WSCD2: variants seen among roughly 807,000 people sequenced by gnomAD.
WSCD2 encodes WSC domain sialate O sulfotransferase 2.
WSCD2 carries 28 observed loss-of-function variants against 55.7 expected under a neutral mutation model. The observed-to-expected ratio is 0.50, with a 90% CI of 0.37 to 0.69. The LOEUF is 0.69. Among genes scored for constraint, WSCD2 ranks in the 30% least tolerant of loss-of-function variants. The probability of loss-of-function intolerance (pLI) is 0.00; values close to 1 mark genes in which losing one functional copy is unlikely to be tolerated. For missense variants in WSCD2, 616 were observed against 762.1 expected, an observed-to-expected ratio of 0.81 and a Z score of 2.26; for synonymous variants, 301 against 301.9, an observed-to-expected ratio of 1.00 and a Z score of 0.03.
At chr12:108,194,808 G>T (rs1289395816) in intron 1 of WSCD2, among the ~76,000 whole-genome samples, 4 of 152,150 alleles carry the variant, frequency 2.6e-5, no homozygotes, top group African/African-American at 9.7e-5. Context: ...CTAGGACAGT[G>T]CCTCACACAA....
intron 4 of WSCD2, among the ~76,000 whole-genome samples, chr12:108,219,946 C>G (rs578119683): frequency 6.6e-6 from 1 of 152,350 alleles, no homozygotes; most frequent in South Asian, 2.1e-4. Flanking sequence ...AAAGAATAAT[C>G]AGACTCCAGT....
chr12:108,160,313 ATATTG>A (rs1393793261), intron 1 of WSCD2, among the ~76,000 whole-genome samples: 2 of 152,198 alleles, frequency 1.3e-5, no homozygotes, highest in African/African-American at 4.8e-5. Flanking sequence ...ACAAGATAGT[ATATTG>A]TATTGGTCTG....
chr12:108,135,153 C>T (rs1876048074), intron 1 of WSCD2, among the ~76,000 whole-genome samples: 1 of 151,962 alleles, frequency 6.6e-6, no homozygotes, highest in South Asian at 2.1e-4. Flanking sequence ...TCCGTCCATC[C>T]ATCCATCCAT....
chr12:108,144,864 A>G (rs1234276217), intron 1 of WSCD2, among the ~76,000 whole-genome samples: 2 of 152,078 alleles, frequency 1.3e-5, no homozygotes, highest in African/African-American at 4.8e-5. Flanking sequence ...AGATGAGGAA[A>G]CTCTGAGAGG....
intron 8 of WSCD2, among the ~76,000 whole-genome samples, chr12:108,243,157 G>A (rs1198230780): frequency 6.6e-6 from 1 of 152,276 alleles, no homozygotes; most frequent in Non-Finnish European, 1.5e-5. Flanking sequence ...TCCCTTGGGA[G>A]CTTGTTGGAA....
At chr12:108,216,107 G>T (rs1184734827) in intron 4 of WSCD2, among the ~76,000 whole-genome samples, 2 of 152,182 alleles carry the variant, frequency 1.3e-5, no homozygotes, top group Non-Finnish European at 2.9e-5. Context: ...TGTTAAAATT[G>T]AGCAGATCTT....
intron 1 of WSCD2, among the ~76,000 whole-genome samples, chr12:108,134,543 G>A (rs537278503): frequency 1.9e-3 from 296 of 152,200 alleles, no homozygotes; most frequent in African/African-American, 6.8e-3. Flanking sequence ...CAAGCAGATC[G>A]GCAAAATAAA....
intron 7 of WSCD2, 32 bp from the exon 8 acceptor site, chr12:108,240,312 C>T: frequency 1.2e-6 from 2 of 1,611,946 alleles, no homozygotes; most frequent in Non-Finnish European, 8.5e-7. Flanking sequence ...CCCAGCTCAC[C>T]AGTCCTGTTC....
chr12:108,244,395 G>A, intron 8 of WSCD2: 4 of 669,632 alleles, frequency 6.0e-6, no homozygotes, highest in Non-Finnish European at 1.1e-5. Flanking sequence ...TATCTATTGT[G>A]CTTTTGGAGG....
At chr12:108,198,434 C>T (rs1293393247) in intron 2 of WSCD2, among the ~76,000 whole-genome samples, 1 of 152,170 alleles carries the variant, frequency 6.6e-6, no homozygotes. Flanking sequence ...AAATGCTCCT[C>T]CTCTATGCTC....
At position 108,240,452 on chromosome 12, in the gene WSCD2, T is replaced by C; in HGVS notation, c.1253T>C (p.Ile418Thr). 6.2e-7 allele frequency: 1 copy of C among 1,613,970 alleles called. No individual in the cohort carries two copies. The change falls in exon 8 of 9, where the codon ATC becomes ACC. Residue 418 changes from isoleucine (I) to threonine (T), a missense_variant. Transcript: ENST00000547525. ...GCCTTCGACGCCGCCATCCTGCTCATCCGCAACCCCTACAAAGCCCTCATG... is the reference window on the plus strand; with the variant it reads ...GCCTTCGACGCCGCCATCCTGCTCACCCGCAACCCCTACAAAGCCCTCATG... ...IEAFDAAILL[I>T]RNPYKALMAE...
chr12:108,204,663 G>A (rs1282382299), intron 2 of WSCD2, among the ~76,000 whole-genome samples: 2 of 152,214 alleles, frequency 1.3e-5, no homozygotes, highest in African/African-American at 2.4e-5. Context: ...CTGCTCCAGG[G>A]AGATGATGCT....
At chr12:108,223,612 C>T (rs983670471) in intron 4 of WSCD2, among the ~76,000 whole-genome samples, 2 of 152,252 alleles carry the variant, frequency 1.3e-5, no homozygotes, top group Admixed American at 6.5e-5. Context: ...TCTTTGTGCA[C>T]ATCTGTACTG....
chr12:108,180,952 A>C (rs1881648492), intron 1 of WSCD2, among the ~76,000 whole-genome samples: 1 of 152,232 alleles, frequency 6.6e-6, no homozygotes, highest in African/African-American at 2.4e-5. Flanking sequence ...ACAGATGGGG[A>C]AACCCAGCTC....
intron 1 of WSCD2, among the ~76,000 whole-genome samples, chr12:108,158,381 G>A (rs923758862): frequency 4.6e-5 from 7 of 150,556 alleles, no homozygotes; most frequent in Admixed American, 1.3e-4. Context: ...TTGGAGAAGA[G>A]CCTGAGGCTC....
chr12:108,153,398 A>G (rs1023194406), intron 1 of WSCD2, among the ~76,000 whole-genome samples: 45 of 152,176 alleles, frequency 3.0e-4, no homozygotes, highest in African/African-American at 9.4e-4. Flanking sequence ...CTCAGCCTCC[A>G]CCACTGTCTC....
chr12:108,240,781 C>T (rs1324270007), intron 8 of WSCD2, among the ~76,000 whole-genome samples: 3 of 152,244 alleles, frequency 2.0e-5, no homozygotes, highest in African/African-American at 7.2e-5. Flanking sequence ...CGGGCTGCTG[C>T]ATCGCACAGG....
At chr12:108,202,277 A>T (rs1412886593) in intron 2 of WSCD2, among the ~76,000 whole-genome samples, 1 of 152,196 alleles carries the variant, frequency 6.6e-6, no homozygotes, top group Non-Finnish European at 1.5e-5. Context: ...CAATATTGAT[A>T]TCCTGATCCA....
At chr12:108,170,859 T>A (rs1880168733) in intron 1 of WSCD2, among the ~76,000 whole-genome samples, 1 of 152,164 alleles carries the variant, frequency 6.6e-6, no homozygotes, top group Non-Finnish European at 1.5e-5. Flanking sequence ...AGTCATGAGA[T>A]TTCAGTCCTG....
Sources: allele counts gnomAD v4.1 joint callset (sites outside exome capture counted in the v4.1 genomes callset), GRCh38; gene constraint gnomAD v4.1.1; transcripts MANE v1.5; gene names NCBI Gene and HGNC (gene_info 2026-07-23, HGNC 2026-07-21).